The following ADAMTS6 variants were observed in gnomAD, a reference collection of about 807,000 sequenced individuals.
ADAMTS6 encodes the protein A disintegrin and metalloproteinase with thrombospondin motifs 6.
Under a neutral mutation model 144.3 loss-of-function variants are expected in ADAMTS6, and 23 were observed. The observed-to-expected ratio is 0.16, with a 90% CI of 0.11 to 0.23. The LOEUF is 0.23. Among genes scored for constraint, ADAMTS6 ranks in the 10% least tolerant of loss-of-function variants. The probability of loss-of-function intolerance (pLI) is 1.00; values close to 1 mark genes in which losing one functional copy is unlikely to be tolerated. For missense variants in ADAMTS6, 999 were observed against 1,379.6 expected (o/e 0.72, Z 4.37); for synonymous variants, 444 against 457.5 (o/e 0.97, Z 0.38).
At chr5:65,245,410 C>T (rs1243850608) in intron 14 of ADAMTS6, among the ~76,000 whole-genome samples, 2 of 152,126 alleles carry the variant, frequency 1.3e-5, no homozygotes, top group Middle Eastern at 3.2e-3. Context: ...ATCCTCCCTA[C>T]CCTTCTACCC....
chr5:65,192,072 G>A (rs7707304), intron 21 of ADAMTS6, among the ~76,000 whole-genome samples: 113,616 of 151,902 alleles, frequency 0.75, 42,979 homozygotes, highest in African/African-American at 0.85. Context: ...TTTTTTCTAA[G>A]CTTAAAATAA....
intron 1 of ADAMTS6, among the ~76,000 whole-genome samples, chr5:65,478,327 T>C (rs1404255083): frequency 6.6e-6 from 1 of 152,158 alleles, no homozygotes; most frequent in East Asian, 1.9e-4. Context: ...CAGACTAACA[T>C]TGAAATACCA....
At chr5:65,411,847 A>G (rs766544915) in intron 7 of ADAMTS6, among the ~76,000 whole-genome samples, 25 of 152,210 alleles carry the variant, frequency 1.6e-4, no homozygotes, top group Non-Finnish European at 3.2e-4. Context: ...AGTGCTCTTT[A>G]GTTCCCTTTA....
At chr5:65,161,189 C>T (rs1752751658) in intron 24 of ADAMTS6, among the ~76,000 whole-genome samples, 1 of 152,050 alleles carries the variant, frequency 6.6e-6, no homozygotes, top group African/African-American at 2.4e-5. Context: ...AGATGCGTGC[C>T]ACCATACCCA....
chr5:65,255,656 A>G (rs1038835118), intron 14 of ADAMTS6, among the ~76,000 whole-genome samples: 10 of 151,910 alleles, frequency 6.6e-5, no homozygotes, highest in African/African-American at 9.7e-5. Flanking sequence ...TGGATGCTCT[A>G]CTTATCTTTT....
chr5:65,262,883 C>G lies in ADAMTS6; in HGVS notation c.1700G>C (p.Trp567Ser), dbSNP rs1345084828. The change falls in exon 13 of 25, where the codon TGG (tryptophan) becomes TCG (serine). Residue 567 changes from tryptophan to serine, a missense_variant. Around this residue, in one of 3 missense-constraint regions of ADAMTS6, gnomAD observed 619 missense variants for 837.0 expected, o/e 0.74. Coordinates refer to ENST00000381055, the MANE Select transcript of ADAMTS6 (RefSeq NM_197941.4). Reference protein sequence around the residue: ...IDGGWGPWSLWGECSRTCGGG... With the variant: ...IDGGWGPWSLSGECSRTCGGG... Reference sequence around the variant, plus strand: ...CCCGCAGGTCCTGCTGCACTCTCCCCATAGTGACCAGGGACCCCAGCCCCC... The same window carrying G: ...CCCGCAGGTCCTGCTGCACTCTCCCGATAGTGACCAGGGACCCCAGCCCCC... 6.2e-7 allele frequency: 1 copy of G among 1,611,626 alleles called. No individual in the cohort carries two copies.
At chr5:65,394,180 G>T (rs796302419) in intron 7 of ADAMTS6, among the ~76,000 whole-genome samples, 10 of 152,338 alleles carry the variant, frequency 6.6e-5, no homozygotes, top group African/African-American at 2.4e-4. Flanking sequence ...TCACAGTCCA[G>T]TTCCCTTGTT....
At chr5:65,271,689 G>C (rs1378177687) in intron 12 of ADAMTS6, among the ~76,000 whole-genome samples, 1 of 152,094 alleles carries the variant, frequency 6.6e-6, no homozygotes, top group Non-Finnish European at 1.5e-5. Context: ...CCATGAACTT[G>C]ATCATGAGAA....
At chr5:65,162,807 AG>A (rs1412649005) in intron 24 of ADAMTS6, among the ~76,000 whole-genome samples, 2 of 152,228 alleles carry the variant, frequency 1.3e-5, no homozygotes, top group African/African-American at 4.8e-5. Flanking sequence ...CAATTCTGAA[AG>A]AAAAAGAGAA....
intron 7 of ADAMTS6, among the ~76,000 whole-genome samples, chr5:65,449,014 C>T (rs1030929068): frequency 1.3e-5 from 2 of 151,982 alleles, no homozygotes; most frequent in Non-Finnish European, 2.9e-5. Context: ...ACACTGGTAC[C>T]TCTCCTCTGA....
intron 12 of ADAMTS6, among the ~76,000 whole-genome samples, chr5:65,269,248 T>C (rs535895708): frequency 6.6e-6 from 1 of 152,338 alleles, no homozygotes; most frequent in Non-Finnish European, 1.5e-5. Flanking sequence ...TGAAATATTA[T>C]CTAATTCTAT....
intron 9 of ADAMTS6, among the ~76,000 whole-genome samples, chr5:65,327,638 T>TCA (rs1746297536): frequency 6.6e-6 from 1 of 152,178 alleles, no homozygotes; most frequent in Admixed American, 6.5e-5. Context: ...TACAAGCCAT[T>TCA]CATTGTAGGA....
chr5:65,213,421 T>C (rs886961363), intron 20 of ADAMTS6, among the ~76,000 whole-genome samples: 22 of 152,192 alleles, frequency 1.4e-4, no homozygotes, highest in African/African-American at 5.1e-4. Context: ...GCAGGAGGAA[T>C]GCTTGAGGCC....
chr5:65,263,878 C>T (rs557242836), intron 12 of ADAMTS6, among the ~76,000 whole-genome samples: 3 of 152,232 alleles, frequency 2.0e-5, no homozygotes, highest in African/African-American at 7.2e-5. Context: ...ACATGGTTAT[C>T]AGCAAAGTTG....
At chr5:65,352,371 T>C (rs1748935330) in intron 7 of ADAMTS6, among the ~76,000 whole-genome samples, 1 of 152,184 alleles carries the variant, frequency 6.6e-6, no homozygotes, top group Admixed American at 6.5e-5. Context: ...AAAAATCATA[T>C]TATTTAGAAA....
At position 65,329,418 on chromosome 5, in the gene ADAMTS6, G is replaced by A; in HGVS notation, c.1183C>T (p.Leu395=). 1 of 1,612,850 alleles carries A rather than the reference G, an allele frequency of 6.2e-7. No individual in the cohort carries two copies. Among genetic ancestry groups the A allele is most frequent in the Non-Finnish European group, 8.5e-7 (1 of 1,179,314 alleles). The change falls in exon 9 of 25, where the codon CTG becomes TTG. Residue 395 remains leucine, a synonymous_variant. Coordinates refer to ENST00000381055, the MANE Select transcript of ADAMTS6 (RefSeq NM_197941.4). ...RSCSINEDIG[L]GSAFTIAHEI... is the part of the protein sequence containing the mutation. ...TGTGCAATGGTAAAAGCTGAACCCA[G>A]GCCAATGTCTTCATTAATGCTGCAG...
chr5:65,457,817 T>C (rs1459214528), intron 4 of ADAMTS6, among the ~76,000 whole-genome samples: 3 of 149,572 alleles, frequency 2.0e-5, no homozygotes, highest in Admixed American at 2.0e-4. Flanking sequence ...ACCGCTGCAT[T>C]CAGGGTTCAA....
intron 3 of ADAMTS6, 93 bp downstream of exon 3, chr5:65,470,685 T>C: frequency 1.9e-6 from 2 of 1,039,220 alleles, no homozygotes; most frequent in Non-Finnish European, 2.6e-6. Context: ...TACCTATATA[T>C]ATATATATTT....
chr5:65,308,057 T>C (rs941938441), intron 9 of ADAMTS6, among the ~76,000 whole-genome samples: 1 of 152,224 alleles, frequency 6.6e-6, no homozygotes, highest in East Asian at 1.9e-4. Context: ...AAAGTTCTCA[T>C]AATGTGAATT....
Sources: gnomAD v4.1 joint callset for allele counts (sites outside exome capture counted in the v4.1 genomes callset) on GRCh38, gnomAD v4.1.1 for gene constraint, gnomAD v4.1.1 regional missense constraint, MANE v1.5 for transcripts, NCBI Gene and HGNC (gene_info 2026-07-23, HGNC 2026-07-21) for gene names.